The following IL20RB variants were observed in gnomAD, a reference collection of about 807,000 sequenced individuals.
IL20RB encodes interleukin-20 receptor subunit beta.
Under a neutral mutation model 33.3 loss-of-function variants are expected in IL20RB, and 21 were observed. That is an observed-to-expected ratio of 0.63 (90% CI 0.45 to 0.91). IL20RB has a LOEUF of 0.91. IL20RB is among the 40% of genes least tolerant of loss of function. The pLI, the probability that IL20RB is intolerant of heterozygous loss-of-function variation, is 0.00. For missense variants in IL20RB, 345 were observed against 384.8 expected (o/e 0.90, Z 0.86); for synonymous variants, 147 against 146.8 (o/e 1.00, Z -0.01).
intron 1 of IL20RB, among the ~76,000 whole-genome samples, chr3:136,970,625 T>TCCTTCCTTCCTA (rs1314680337): frequency 2.2e-5 from 1 of 44,554 alleles, no homozygotes. Flanking sequence ...CTTCCTTCCT[T>TCCTTCCTTCCTA]CCTTCCTTCC....
chr3:136,966,179 T>C lies in IL20RB; in HGVS notation c.88+7978T>C, dbSNP rs1392893536. 6.3e-5 allele frequency among the ~76,000 whole-genome samples: 9 copies of C among 142,818 alleles called. No homozygotes were observed. In the East Asian group the frequency reaches 8.8e-4, roughly 14 times the overall value. The allele number at this position is 142,818 out of a possible 152,430, so 93.7% of individuals were successfully genotyped here. On this transcript the variant is annotated intron_variant, in intron 1 of 6. Transcript: ENST00000329582. ...TCTCTTTTTTTGTTGTGTCTCTGCC[T>C]GGTTTTGGTATCAGAATGATGCTGG...
rs914945575 is a variant in IL20RB at position 136,987,866 on chromosome 3, G to A, written c.407-1575G>A. 3.9e-5 allele frequency among the ~76,000 whole-genome samples: 6 copies of A among 152,260 alleles called. No individual in the cohort carries two copies. In the East Asian group the frequency reaches 7.8e-4, roughly 20 times the overall value. On this transcript the variant is annotated intron_variant, in intron 3 of 6. Transcript: ENST00000329582. Reference sequence around the variant, plus strand: ...CCTCATTGCCGGGGCCGGCAGGGCCGGCCGGCTGCTCCGAGTGCGGGGCCC... The same window carrying A: ...CCTCATTGCCGGGGCCGGCAGGGCCAGCCGGCTGCTCCGAGTGCGGGGCCC...
rs139173872 is a variant in IL20RB at position 136,972,916 on chromosome 3, A to C, written c.89-7550A>C. Among the ~76,000 whole-genome samples, 5 of 151,938 alleles carry C rather than the reference A, an allele frequency of 3.3e-5. No individual in the cohort carries two copies. The South Asian group carries it at 8.3e-4, about 25-fold the overall frequency. On this transcript the variant is annotated intron_variant, in intron 1 of 6. Transcript: ENST00000329582. ...AATTTTTAATCTTTCTACTTTTTCA[A>C]TGTAAGCATTTATTGATATAAATGT...
intron 3 of IL20RB, among the ~76,000 whole-genome samples, chr3:136,987,124 C>T (rs956317769): frequency 5.9e-5 from 9 of 152,208 alleles, no homozygotes; most frequent in African/African-American, 1.7e-4. Flanking sequence ...GAAGGGGACC[C>T]GAGCGGGTTG....
intron 1 of IL20RB, among the ~76,000 whole-genome samples, chr3:136,976,579 C>T (rs955589539): frequency 3.9e-5 from 6 of 152,202 alleles, no homozygotes; most frequent in African/African-American, 1.4e-4. Flanking sequence ...TCCTCCCAGT[C>T]TCAGCCCCGG....
chr3:137,001,775 T>TTTA (rs975289646), intron 6 of IL20RB, among the ~76,000 whole-genome samples: 24 of 151,764 alleles, frequency 1.6e-4, no homozygotes, highest in African/African-American at 4.6e-4. Context: ...GTAATAATCT[T>TTTA]TTATTATTAT....
chr3:137,004,990 G>C (rs965644976), intron 6 of IL20RB, among the ~76,000 whole-genome samples: 5 of 152,170 alleles, frequency 3.3e-5, no homozygotes, highest in Non-Finnish European at 7.3e-5. Context: ...TGGTTTCAAA[G>C]AACATTTTTA....
chr3:137,004,474 T>C (rs994886332), intron 6 of IL20RB, among the ~76,000 whole-genome samples: 6 of 152,378 alleles, frequency 3.9e-5, no homozygotes, highest in Non-Finnish European at 8.8e-5. Flanking sequence ...AGATTCAACT[T>C]CTTCCTGGTT....
chr3:136,969,994 G>A (rs1941429791), intron 1 of IL20RB, among the ~76,000 whole-genome samples: 1 of 151,902 alleles, frequency 6.6e-6, no homozygotes, highest in Non-Finnish European at 1.5e-5. Flanking sequence ...TTTGCACAAG[G>A]TGTGAGGTTT....
At chr3:136,967,184 G>T (rs542617829) in intron 1 of IL20RB, among the ~76,000 whole-genome samples, 2 of 151,444 alleles carry the variant, frequency 1.3e-5, no homozygotes, top group Admixed American at 1.3e-4. Flanking sequence ...TTGATTTGGG[G>T]TGGAGAGTTC....
chr3:137,007,986 C>T (rs2107726793), intron 6 of IL20RB, among the ~76,000 whole-genome samples: 1 of 152,262 alleles, frequency 6.6e-6, no homozygotes, highest in South Asian at 2.1e-4. Flanking sequence ...ATTAATTCTG[C>T]CCAGTATATA....
At chr3:136,997,745 C>G (rs991763404) in intron 6 of IL20RB, among the ~76,000 whole-genome samples, 2 of 151,828 alleles carry the variant, frequency 1.3e-5, no homozygotes, top group Non-Finnish European at 2.9e-5. Flanking sequence ...TTCTGACAAC[C>G]TCTGCCTTTA....
At chr3:136,970,840 G>A (rs1414558508) in intron 1 of IL20RB, among the ~76,000 whole-genome samples, 2 of 151,856 alleles carry the variant, frequency 1.3e-5, no homozygotes, top group Non-Finnish European at 2.9e-5. Flanking sequence ...TTTTAGTAGA[G>A]ATGGGGTTTC....
At chr3:136,976,220 G>A (rs1344303846) in intron 1 of IL20RB, among the ~76,000 whole-genome samples, 1 of 152,224 alleles carries the variant, frequency 6.6e-6, no homozygotes, top group Non-Finnish European at 1.5e-5. Flanking sequence ...AGAGAAGGGA[G>A]TGAAGCTGGG....
At chr3:136,966,063 A>C (rs1577009036) in intron 1 of IL20RB, among the ~76,000 whole-genome samples, 2 of 120,728 alleles carry the variant, frequency 1.7e-5, no homozygotes, top group South Asian at 2.7e-4. Context: ...ATCATGGTGG[A>C]TAAGCTTTTT....
At chr3:136,997,627 A>G (rs1312837034) in intron 6 of IL20RB, among the ~76,000 whole-genome samples, 1 of 105,558 alleles carries the variant, frequency 9.5e-6, no homozygotes, top group Non-Finnish European at 2.1e-5. Flanking sequence ...TTATTTTTTT[A>G]CATATTTTTA....
At chr3:136,958,927 CTCTCTG>C (rs1461071083) in intron 1 of IL20RB, among the ~76,000 whole-genome samples, 1 of 140,670 alleles carries the variant, frequency 7.1e-6, no homozygotes, top group Non-Finnish European at 1.5e-5. Flanking sequence ...CTCTCTCTCT[CTCTCTG>C]TCTCTCTGTC....
chr3:136,982,441 C>A, intron 3 of IL20RB, 91 bp downstream of exon 3: 1 of 977,524 alleles, frequency 1.0e-6, no homozygotes, highest in South Asian at 1.8e-5. Flanking sequence ...TTTTTAGCAT[C>A]AGAATAGTCC....
intron 1 of IL20RB, among the ~76,000 whole-genome samples, chr3:136,978,631 T>C (rs1022149793): frequency 3.3e-5 from 5 of 152,342 alleles, no homozygotes; most frequent in African/African-American, 1.2e-4. Context: ...CAAATCCCAC[T>C]TGGTTATGGT....
Sources: gnomAD v4.1 joint callset for allele counts (sites outside exome capture counted in the v4.1 genomes callset) on GRCh38, gnomAD v4.1.1 for gene constraint, MANE v1.5 for transcripts, NCBI Gene and HGNC (gene_info 2026-07-23, HGNC 2026-07-21) for gene names.